The following KCNH1 variants were observed in gnomAD, a reference collection of about 807,000 sequenced individuals.
The protein encoded by KCNH1 is potassium voltage-gated channel subfamily H member 1, also known as voltage-gated delayed rectifier potassium channel KCNH1.
In KCNH1, 27 loss-of-function variants were observed where a neutral mutation model predicts 69.2. That is an observed-to-expected ratio of 0.39 (90% CI 0.29 to 0.54). The LOEUF (loss-of-function observed/expected upper bound fraction) is 0.54. KCNH1 is among the 20% of genes least tolerant of loss of function. The probability of loss-of-function intolerance (pLI) is 0.68; values close to 1 mark genes in which losing one functional copy is unlikely to be tolerated. For missense variants in KCNH1, 798 were observed against 1,261.6 expected, an observed-to-expected ratio of 0.63 and a Z score of 5.57; for synonymous variants, 456 against 487.7, an observed-to-expected ratio of 0.93 and a Z score of 0.86.
At chr1:210,843,227 C>T (rs1282747671) in intron 7 of KCNH1, among the ~76,000 whole-genome samples, 1 of 152,164 alleles carries the variant, frequency 6.6e-6, no homozygotes, top group Non-Finnish European at 1.5e-5. Flanking sequence ...AATGTGCTTC[C>T]AAGAAATATG....
At chr1:211,077,638 C>T (rs1558594730) in intron 5 of KCNH1, among the ~76,000 whole-genome samples, 1 of 152,150 alleles carries the variant, frequency 6.6e-6, no homozygotes, top group Admixed American at 6.5e-5. Context: ...CAACCACTAC[C>T]AGCCACTGCA....
At chr1:210,859,647 T>C in intron 7 of KCNH1, 1 of 1,335,758 alleles carries the variant, frequency 7.5e-7, no homozygotes, top group Non-Finnish European at 1.1e-6. Flanking sequence ...TCTTGTGTTC[T>C]GCATGGCAGG....
At position 210,992,393 on chromosome 1, in the gene KCNH1, C is replaced by T. The variant is rs137935093; in HGVS notation, c.1032+26390G>A. ...TGCAGACCTAGCTCAAAATCCTCAA[C>T]CTGAAGAAATTATATTCCCTCTAAA... On this transcript the variant is annotated intron_variant, in intron 6 of 10. Coordinates refer to ENST00000271751, the MANE Select transcript of KCNH1 (RefSeq NM_172362.3). Among the ~76,000 whole-genome samples, 5 of 152,266 alleles carry T rather than the reference C, an allele frequency of 3.3e-5. No individual in the cohort carries two copies. In the East Asian group the frequency reaches 9.7e-4, roughly 29 times the overall value.
intron 6 of KCNH1, among the ~76,000 whole-genome samples, chr1:210,948,116 G>A (rs1032659629): frequency 5.3e-5 from 8 of 151,526 alleles, no homozygotes; most frequent in Admixed American, 4.6e-4. Flanking sequence ...TACTCAGGAG[G>A]CTGAGACGGG....
intron 7 of KCNH1, among the ~76,000 whole-genome samples, chr1:210,914,204 C>T (rs528318534): frequency 6.6e-5 from 10 of 152,226 alleles, no homozygotes; most frequent in South Asian, 2.1e-4. Flanking sequence ...GCACCAAAGA[C>T]GCCTTCCAAA....
intron 10 of KCNH1, 101 bp from the exon 11 acceptor site, chr1:210,684,239 T>C (rs1681354970): frequency 7.9e-7 from 1 of 1,270,028 alleles, no homozygotes; most frequent in Admixed American, 2.9e-5. Flanking sequence ...CTGCTTCCAG[T>C]CCACCTGCCA....
intron 5 of KCNH1, among the ~76,000 whole-genome samples, chr1:211,033,577 T>C (rs1254964591): frequency 4.6e-5 from 7 of 152,188 alleles, no homozygotes; most frequent in Non-Finnish European, 8.8e-5. Context: ...CGGAATACTA[T>C]GCAGCCATAA....
intron 8 of KCNH1, among the ~76,000 whole-genome samples, chr1:210,800,249 C>T (rs1684402357): frequency 6.6e-6 from 1 of 152,218 alleles, no homozygotes; most frequent in Admixed American, 6.5e-5. Flanking sequence ...GACTTACTTC[C>T]ATAAGGCTCA....
chr1:210,750,808 C>A (rs138999047), intron 10 of KCNH1, among the ~76,000 whole-genome samples: 1 of 152,140 alleles, frequency 6.6e-6, no homozygotes, highest in Non-Finnish European at 1.5e-5. Context: ...CCAGAGCAAA[C>A]TGGATGGGCA....
intron 10 of KCNH1, among the ~76,000 whole-genome samples, chr1:210,695,161 A>T (rs988189666): frequency 1.3e-5 from 2 of 152,232 alleles, no homozygotes; most frequent in African/African-American, 4.8e-5. Flanking sequence ...CCAGGCCATG[A>T]CGCCACTCTC....
rs117754038 is a variant in KCNH1, at chr1:211,038,700, G to A, written c.559-19444C>T. On this transcript the variant is annotated intron_variant, in intron 5 of 10. Transcript: ENST00000271751. Reference sequence around the variant, plus strand: ...CTTGTTATGTTTTAGCAAAGGGACTGCTGGTATATTGCCCCTGCCCTAGTG... The same window carrying A: ...CTTGTTATGTTTTAGCAAAGGGACTACTGGTATATTGCCCCTGCCCTAGTG... 3.6e-3 allele frequency among the ~76,000 whole-genome samples: 549 copies of A among 152,294 alleles called. 22 individuals are homozygous for A. In the East Asian group the frequency reaches 0.096, roughly 27 times the overall value.
intron 3 of KCNH1, among the ~76,000 whole-genome samples, chr1:211,093,393 C>T (rs1370118275): frequency 1.3e-5 from 2 of 152,196 alleles, no homozygotes; most frequent in Non-Finnish European, 2.9e-5. Context: ...TCAAGGGATT[C>T]CCCTGCCTCA....
At chr1:211,013,662 G>C (rs981411435) in intron 6 of KCNH1, among the ~76,000 whole-genome samples, 2 of 152,206 alleles carry the variant, frequency 1.3e-5, no homozygotes, top group Non-Finnish European at 2.9e-5. Context: ...AGGACAAACT[G>C]TCCCTTTCAT....
At chr1:210,878,439 T>C (rs1295908473) in intron 7 of KCNH1, among the ~76,000 whole-genome samples, 1 of 152,134 alleles carries the variant, frequency 6.6e-6, no homozygotes, top group Non-Finnish European at 1.5e-5. Context: ...ACAAATGATG[T>C]AATGTCTGCT....
chr1:210,873,093 A>G (rs1314220839), intron 7 of KCNH1, among the ~76,000 whole-genome samples: 1 of 152,124 alleles, frequency 6.6e-6, no homozygotes, highest in Admixed American at 6.6e-5. Flanking sequence ...CGCTACCATG[A>G]CCACTGAACT....
chr1:210,887,161 C>A (rs1686629184), intron 7 of KCNH1, among the ~76,000 whole-genome samples: 1 of 151,960 alleles, frequency 6.6e-6, no homozygotes, highest in South Asian at 2.1e-4. Context: ...GTCGGGTTAC[C>A]CACAAAGGGA....
At chr1:210,830,422 G>T (rs1685133117) in intron 7 of KCNH1, among the ~76,000 whole-genome samples, 1 of 152,282 alleles carries the variant, frequency 6.6e-6, no homozygotes, top group East Asian at 1.9e-4. Flanking sequence ...TGAGGGTCAG[G>T]GTAGAGCTGA....
rs1681188661 is a variant in KCNH1 at position 210,678,458 on chromosome 1, A to G, written c.*4823T>C. The G allele has an allele frequency of 6.6e-6, 1 of 152,208 alleles. No homozygotes were observed. Among genetic ancestry groups the G allele is most frequent in the Admixed American group, 6.5e-5 (1 of 15,280 alleles). The allele number at this position is 152,208 out of a possible 1,614,324, so 9.4% of individuals were successfully genotyped here. On this transcript the variant is annotated 3_prime_UTR_variant, in exon 11 of 11. Coordinates refer to ENST00000271751, the MANE Select transcript of KCNH1 (RefSeq NM_172362.3). ...CTCTTAACATTCCCAAGCCACAGAT[A>G]TACAGTGGTGTTCTTGGCAGCATCC...
At chr1:210,999,196 A>G (rs1268295079) in intron 6 of KCNH1, among the ~76,000 whole-genome samples, 4 of 152,190 alleles carry the variant, frequency 2.6e-5, no homozygotes, top group African/African-American at 9.7e-5. Context: ...AGACACAAAA[A>G]ACCCTTCAAA....
Sources: gnomAD v4.1 joint callset for allele counts (sites outside exome capture counted in the v4.1 genomes callset) on GRCh38, gnomAD v4.1.1 for gene constraint, MANE v1.5 for transcripts, NCBI Gene and HGNC (gene_info 2026-07-23, HGNC 2026-07-21) for gene names.